MYRIP: variants seen among roughly 807,000 people sequenced by gnomAD.
MYRIP encodes rab effector MyRIP.
A neutral mutation model predicts 98.0 loss-of-function variants in MYRIP; 49 were observed. That is an observed-to-expected ratio of 0.50 (90% confidence interval 0.40 to 0.63). The LOEUF (loss-of-function observed/expected upper bound fraction) is 0.63, where lower values mean the gene tolerates loss of function less well. Among genes scored for constraint, MYRIP ranks in the 30% least tolerant of loss-of-function variants. The pLI is 0.00. For missense variants in MYRIP, 1,004 were observed against 1,058.2 expected, an observed-to-expected ratio of 0.95 and a Z score of 0.71; for synonymous variants, 404 against 409.5, an observed-to-expected ratio of 0.99 and a Z score of 0.16.
intron 2 of MYRIP, among the ~76,000 whole-genome samples, chr3:39,989,870 G>T (rs1946129644): frequency 6.6e-6 from 1 of 152,226 alleles, no homozygotes; most frequent in Non-Finnish European, 1.5e-5. Flanking sequence ...TCCAGCAGGG[G>T]AAAAGCCTGG....
At chr3:40,095,894 C>T (rs928431264) in intron 3 of MYRIP, among the ~76,000 whole-genome samples, 4 of 151,730 alleles carry the variant, frequency 2.6e-5, no homozygotes, top group African/African-American at 9.7e-5. Flanking sequence ...TCTCCTACCA[C>T]CTCAGCACCT....
At chr3:39,878,731 G>GTAGT (rs1943080336) in intron 1 of MYRIP, among the ~76,000 whole-genome samples, 2 of 152,054 alleles carry the variant, frequency 1.3e-5, no homozygotes, top group African/African-American at 4.8e-5. Context: ...GTAGCAAATT[G>GTAGT]ACTTTGATGA....
chr3:40,096,777 G>C (rs1948842382), intron 3 of MYRIP, among the ~76,000 whole-genome samples: 1 of 152,176 alleles, frequency 6.6e-6, no homozygotes, highest in Admixed American at 6.5e-5. Flanking sequence ...TGTGGCATTG[G>C]GCAAAGGCAT....
chr3:39,919,885 T>C (rs1476465484), intron 2 of MYRIP, among the ~76,000 whole-genome samples: 1 of 152,128 alleles, frequency 6.6e-6, no homozygotes, highest in Non-Finnish European at 1.5e-5. Context: ...TTACTGAAAA[T>C]GTAAGAGCTA....
At chr3:39,945,505 A>T (rs1184617497) in intron 2 of MYRIP, among the ~76,000 whole-genome samples, 3 of 150,868 alleles carry the variant, frequency 2.0e-5, no homozygotes, top group African/African-American at 7.3e-5. Flanking sequence ...AAAAGAAAAA[A>T]AAAGAATGTA....
chr3:39,816,814 A>G (rs545778314), intron 1 of MYRIP, among the ~76,000 whole-genome samples: 4 of 152,288 alleles, frequency 2.6e-5, no homozygotes, highest in South Asian at 2.1e-4. Flanking sequence ...TTGCTTTTGA[A>G]ATTTTTATAT....
rs545692477 is a variant in MYRIP at position 39,860,248 on chromosome 3, C to T, written c.-30-40539C>T. Among the ~76,000 whole-genome samples, 66 of 152,300 alleles carry T rather than the reference C, an allele frequency of 4.3e-4. 1 individual carries two copies. Among genetic ancestry groups the T allele is most frequent in the African/African-American group, 1.6e-3 (65 of 41,572 alleles). On this transcript the variant is annotated intron_variant, in intron 1 of 16. Transcript: ENST00000302541. ...AGGAGCAACCTGCTCTTGCCACAGA[C>T]CTCTGGAATCCTGGCAGCAGAAGAC... is the stretch of plus-strand genomic sequence containing the variant.
rs566327500 is a variant in MYRIP, at chr3:40,189,081, A to G, written c.1028-745A>G. 3.8e-4 allele frequency among the ~76,000 whole-genome samples: 58 copies of G among 152,314 alleles called. No individual in the cohort carries two copies. The South Asian group carries it at 0.011, about 29-fold the overall frequency. On this transcript the variant is annotated intron_variant, in intron 9 of 16. Coordinates refer to ENST00000302541, the MANE Select transcript of MYRIP (RefSeq NM_015460.4). Reference sequence around the variant, plus strand: ...TTGCATGGTGCTCTGCAGCTGGCCAAGGACTTCCGTGGCACAATCTATAGC... The same window carrying G: ...TTGCATGGTGCTCTGCAGCTGGCCAGGGACTTCCGTGGCACAATCTATAGC...
chr3:39,941,798 C>G (rs966753254), intron 2 of MYRIP, among the ~76,000 whole-genome samples: 1 of 151,876 alleles, frequency 6.6e-6, no homozygotes, highest in African/African-American at 2.4e-5. Flanking sequence ...AGTGAACATC[C>G]TCATATATTA....
chr3:39,981,517 A>T (rs1173248932), intron 2 of MYRIP, among the ~76,000 whole-genome samples: 1 of 152,104 alleles, frequency 6.6e-6, no homozygotes, highest in Non-Finnish European at 1.5e-5. Context: ...TGGGGAGGTC[A>T]TCAAAATCTG....
At chr3:40,137,061 C>CA (rs777748585) in intron 3 of MYRIP, among the ~76,000 whole-genome samples, 50 of 148,562 alleles carry the variant, frequency 3.4e-4, no homozygotes, top group Non-Finnish European at 5.7e-4. Flanking sequence ...AATAGAGACA[C>CA]AAAAAACCCT....
At position 40,135,388 on chromosome 3, in the gene MYRIP, A is replaced by T. The variant is rs1405690466; in HGVS notation, c.333-15660A>T. ...CCAAGAAATATGGGACTATGTGAAA[A>T]GACCAAATCTACATCTGATTGGTGT... On this transcript the variant is annotated intron_variant, in intron 3 of 16. Coordinates refer to ENST00000302541, the MANE Select transcript of MYRIP (RefSeq NM_015460.4). Among the ~76,000 whole-genome samples the T allele has an allele frequency of 2.0e-5, 3 of 152,270 alleles. No individual in the cohort carries two copies. The East Asian group carries it at 5.8e-4, about 29-fold the overall frequency.
chr3:39,832,989 T>C (rs1313693568), intron 1 of MYRIP, among the ~76,000 whole-genome samples: 1 of 152,182 alleles, frequency 6.6e-6, no homozygotes, highest in Non-Finnish European at 1.5e-5. Flanking sequence ...TCAACCCAGA[T>C]ACACAACACT....
intron 12 of MYRIP, among the ~76,000 whole-genome samples, chr3:40,241,118 A>C (rs1952998490): frequency 6.6e-6 from 1 of 152,218 alleles, no homozygotes; most frequent in Non-Finnish European, 1.5e-5. Context: ...TGGTGTGAAT[A>C]GTAGGACTGC....
intron 2 of MYRIP, among the ~76,000 whole-genome samples, chr3:39,996,873 A>G (rs1946372340): frequency 2.0e-5 from 3 of 152,246 alleles, no homozygotes; most frequent in Admixed American, 6.5e-5. Context: ...CTCAGGATTA[A>G]GAAACTCACT....
At chr3:39,832,654 G>C (rs1042026794) in intron 1 of MYRIP, among the ~76,000 whole-genome samples, 5 of 152,120 alleles carry the variant, frequency 3.3e-5, no homozygotes, top group African/African-American at 4.8e-5. Context: ...CAGTTGTTTA[G>C]GGTTCAATCT....
intron 1 of MYRIP, among the ~76,000 whole-genome samples, chr3:39,865,959 G>A (rs1285014165): frequency 2.6e-5 from 4 of 152,156 alleles, no homozygotes; most frequent in African/African-American, 9.7e-5. Context: ...TAAAGAAAAT[G>A]TGGTAAATAT....
At chr3:40,189,710 C>A in intron 9 of MYRIP, 116 bp from the exon 10 acceptor site, 5 of 1,138,672 alleles carry the variant, frequency 4.4e-6, no homozygotes, top group Non-Finnish European at 5.0e-6. Flanking sequence ...TTCCTAAAGG[C>A]AACTGCTCTC....
rs1368507467 is a variant in MYRIP at position 39,809,630 on chromosome 3, G to C, written c.-317G>C. 1 of 151,628 alleles carries C rather than the reference G, an allele frequency of 6.6e-6. No homozygotes were observed. The highest frequency in any genetic ancestry group is 1.5e-5 in the Non-Finnish European group (1 of 67,810). The allele number at this position is 151,628 out of a possible 1,614,324, so 9.4% of individuals were successfully genotyped here. On this transcript the variant is annotated 5_prime_UTR_variant, in exon 1 of 17. Coordinates refer to ENST00000302541, the MANE Select transcript of MYRIP (RefSeq NM_015460.4). ...GGCCAGGCTGGCCCTGGCTGCCTGC[G>C]GCGCGGGCGCCTCCCTCGCAGCCGC...
Sources: allele counts gnomAD v4.1 joint callset (sites outside exome capture counted in the v4.1 genomes callset), GRCh38; gene constraint gnomAD v4.1.1; transcripts MANE v1.5; gene names NCBI Gene and HGNC (gene_info 2026-07-23, HGNC 2026-07-21).